The following ITPR2 variants were observed in gnomAD, a reference collection of about 807,000 sequenced individuals.
The protein encoded by ITPR2 is inositol 1,4,5-trisphosphate-gated calcium channel ITPR2.
ITPR2 carries 207 observed loss-of-function variants against 317.1 expected under a neutral mutation model. The ratio of observed to expected loss-of-function variants is 0.65; its 90% confidence interval spans 0.58 to 0.73. The LOEUF is 0.73. Ranked by LOEUF, ITPR2 falls within the 30% of genes least tolerant of loss-of-function variation. The pLI is 0.00. For synonymous variants in ITPR2, 1,156 were observed against 1,149.1 expected (o/e 1.01, Z -0.12); for missense variants, 2,613 against 3,284.0 (o/e 0.80, Z 4.99).
Position 26,340,318 on chromosome 12 carries a change from A to C in ITPR2, c.7868T>G (p.Leu2623Trp), listed in dbSNP as rs777312617. Residue 2623 changes from leucine to tryptophan, a missense_variant, in exon 56 of 57, where the codon TTG (leucine) becomes TGG (tryptophan). Physicochemically the swap from Leu to Trp is moderately conservative, Grantham distance 61. Coordinates refer to ENST00000381340, the MANE Select transcript of ITPR2 (RefSeq NM_002223.4). Reference sequence around the variant, plus strand: ...GGCTCGCATCCGAGGAAACCAATCCAAATTCTTCTCCTGAAAGCAAATAAA... The same window carrying C: ...GGCTCGCATCCGAGGAAACCAATCCCAATTCTTCTCCTGAAAGCAAATAAA... ...YVAQMIVEKN[L>W]DWFPRMRAMS... 1 of 1,599,600 alleles carries C rather than the reference A, an allele frequency of 6.3e-7. No individual in the cohort carries two copies. The highest frequency in any genetic ancestry group is 8.5e-7 in the Non-Finnish European group (1 of 1,173,082).
intron 2 of ITPR2, among the ~76,000 whole-genome samples, chr12:26,763,470 AT>A (rs1949671378): frequency 6.6e-6 from 1 of 152,190 alleles, no homozygotes; most frequent in African/African-American, 2.4e-5. Flanking sequence ...ATACATACAC[AT>A]GTGATAAATG....
chr12:26,734,996 CTTTTTT>C (rs5797195), intron 2 of ITPR2, among the ~76,000 whole-genome samples: 2 of 109,042 alleles, frequency 1.8e-5, no homozygotes, highest in Non-Finnish European at 3.6e-5. Flanking sequence ...GCAAGCCAGT[CTTTTTT>C]TTTTTTTTTT....
intron 37 of ITPR2, among the ~76,000 whole-genome samples, chr12:26,544,329 G>A (rs1046687779): frequency 6.6e-6 from 1 of 151,776 alleles, no homozygotes; most frequent in Non-Finnish European, 1.5e-5. Flanking sequence ...TGTACTCAAG[G>A]GTATTCTAAA....
chr12:26,445,363 G>A (rs770121291), intron 45 of ITPR2, among the ~76,000 whole-genome samples: 20 of 152,074 alleles, frequency 1.3e-4, no homozygotes, highest in African/African-American at 4.1e-4. Context: ...TGGAGGGGTC[G>A]TCAGTATATG....
intron 28 of ITPR2, 92 bp downstream of exon 28, chr12:26,602,278 A>G (rs909009045): frequency 2.6e-5 from 36 of 1,403,722 alleles, no homozygotes; most frequent in Non-Finnish European, 3.0e-5. Flanking sequence ...TTCTAAAATA[A>G]TTAAGAAAGA....
chr12:26,412,170 A>G (rs1429846986), intron 51 of ITPR2, among the ~76,000 whole-genome samples: 1 of 152,204 alleles, frequency 6.6e-6, no homozygotes, highest in Non-Finnish European at 1.5e-5. Flanking sequence ...AGTTGTAGCT[A>G]CAAAGGCTGT....
intron 52 of ITPR2, among the ~76,000 whole-genome samples, chr12:26,401,037 C>T (rs1940162151): frequency 6.6e-6 from 1 of 151,466 alleles, no homozygotes; most frequent in Non-Finnish European, 1.5e-5. Flanking sequence ...TGAGACCAGC[C>T]TGGCCAACAT....
intron 52 of ITPR2, among the ~76,000 whole-genome samples, chr12:26,409,971 A>G (rs903405437): frequency 1.4e-4 from 22 of 152,208 alleles, no homozygotes; most frequent in African/African-American, 5.1e-4. Context: ...GCTGTTTATG[A>G]CATGACAGCT....
intron 26 of ITPR2, among the ~76,000 whole-genome samples, chr12:26,607,675 C>T (rs1946167365): frequency 6.6e-6 from 1 of 152,156 alleles, no homozygotes; most frequent in South Asian, 2.1e-4. Context: ...CAGATAAGTT[C>T]CTTCCAGATG....
At chr12:26,609,591 A>T (rs1946217621) in intron 26 of ITPR2, among the ~76,000 whole-genome samples, 1 of 152,040 alleles carries the variant, frequency 6.6e-6, no homozygotes, top group Non-Finnish European at 1.5e-5. Flanking sequence ...ATGACAGAGC[A>T]AGACCCTGTC....
chr12:26,388,527 C>T (rs1195913126), intron 54 of ITPR2, among the ~76,000 whole-genome samples: 1 of 152,012 alleles, frequency 6.6e-6, no homozygotes, highest in Admixed American at 6.6e-5. Context: ...TGCAGTGGCT[C>T]AATGCAGACT....
At chr12:26,347,151 G>A (rs1938336999) in intron 55 of ITPR2, among the ~76,000 whole-genome samples, 2 of 152,150 alleles carry the variant, frequency 1.3e-5, no homozygotes, top group Non-Finnish European at 2.9e-5. Context: ...TAGTGGAATA[G>A]CTCTTATATA....
intron 9 of ITPR2, among the ~76,000 whole-genome samples, chr12:26,700,852 G>A (rs1185086293): frequency 2.6e-5 from 4 of 152,222 alleles, no homozygotes; most frequent in Non-Finnish European, 1.5e-5. Context: ...TGCAGAGACA[G>A]AATCAGTAGA....
intron 21 of ITPR2, among the ~76,000 whole-genome samples, chr12:26,639,447 T>A (rs1591987470): frequency 6.6e-6 from 1 of 152,158 alleles, no homozygotes; most frequent in African/African-American, 2.4e-5. Flanking sequence ...ATAATTTATA[T>A]GGTTCCTTTC....
chr12:26,355,067 G>C (rs149893497), intron 55 of ITPR2, among the ~76,000 whole-genome samples: 111 of 152,226 alleles, frequency 7.3e-4, no homozygotes, highest in Admixed American at 2.2e-3. Context: ...GAAACTCCGG[G>C]GTTGAAGGCC....
At chr12:26,828,003 T>G (rs1157708593) in intron 1 of ITPR2, among the ~76,000 whole-genome samples, 2 of 152,246 alleles carry the variant, frequency 1.3e-5, no homozygotes, top group African/African-American at 2.4e-5. Context: ...AAAAAAGAAA[T>G]CTTTTCTTTC....
At chr12:26,712,384 C>T (rs554941161) in intron 8 of ITPR2, among the ~76,000 whole-genome samples, 20 of 152,150 alleles carry the variant, frequency 1.3e-4, no homozygotes, top group Non-Finnish European at 2.5e-4. Context: ...CAGCAACTGT[C>T]TTCCCATACT....
At chr12:26,545,452 G>C (rs1041928898) in intron 37 of ITPR2, among the ~76,000 whole-genome samples, 4 of 152,048 alleles carry the variant, frequency 2.6e-5, no homozygotes, top group Non-Finnish European at 5.9e-5. Context: ...ATGGGGCCAC[G>C]AGCCAAGGAA....
intron 21 of ITPR2, among the ~76,000 whole-genome samples, chr12:26,649,993 C>T (rs1332933449): frequency 6.6e-6 from 1 of 152,126 alleles, no homozygotes; most frequent in Non-Finnish European, 1.5e-5. Context: ...TTACTTATTA[C>T]CAGTGACTAG....
Sources: allele counts gnomAD v4.1 joint callset (sites outside exome capture counted in the v4.1 genomes callset), GRCh38; gene constraint gnomAD v4.1.1; transcripts MANE v1.5; gene names NCBI Gene and HGNC (gene_info 2026-07-23, HGNC 2026-07-21).